The following PHACTR1 variants were observed in gnomAD, a reference collection of about 807,000 sequenced individuals.
PHACTR1 encodes the protein phosphatase and actin regulator 1.
Under a neutral mutation model 69.2 loss-of-function variants are expected in PHACTR1, and 16 were observed. That is an observed-to-expected ratio of 0.23 (90% CI 0.16 to 0.35). PHACTR1 has a LOEUF of 0.35. Ranked by LOEUF, PHACTR1 falls within the 10% of genes least tolerant of loss-of-function variation. PHACTR1 has a pLI of 1.00. For synonymous variants in PHACTR1, 312 were observed against 284.5 expected (o/e 1.10, Z -0.97); for missense variants, 510 against 734.7 (o/e 0.69, Z 3.54).
At chr6:12,902,783 G>T (rs1195366873) in intron 4 of PHACTR1, among the ~76,000 whole-genome samples, 3 of 152,148 alleles carry the variant, frequency 2.0e-5, no homozygotes, top group African/African-American at 7.2e-5. Context: ...AGAATGTGCA[G>T]ATTCGCTCAC....
intron 5 of PHACTR1, among the ~76,000 whole-genome samples, chr6:13,108,884 C>T (rs986764506): frequency 6.6e-6 from 1 of 151,936 alleles, no homozygotes; most frequent in South Asian, 2.1e-4. Context: ...TGTTCCTTTT[C>T]ACCCCTTTTG....
intron 10 of PHACTR1, among the ~76,000 whole-genome samples, chr6:13,231,117 GAGAGAA>G (rs1396910234): frequency 4.8e-4 from 15 of 31,374 alleles, no homozygotes; most frequent in Non-Finnish European, 9.1e-4. Flanking sequence ...AAGAAGGAAA[GAGAGAA>G]AGAAAGAAGG....
intron 4 of PHACTR1, among the ~76,000 whole-genome samples, chr6:12,989,746 A>G (rs1021521970): frequency 6.6e-6 from 1 of 152,210 alleles, no homozygotes; most frequent in Non-Finnish European, 1.5e-5. Context: ...TATTGAGTAC[A>G]GTCACTTAGA....
intron 4 of PHACTR1, among the ~76,000 whole-genome samples, chr6:12,769,820 CAGAT>C (rs1401320580): frequency 6.6e-6 from 1 of 152,222 alleles, no homozygotes; most frequent in Non-Finnish European, 1.5e-5. Flanking sequence ...TCCTTCTGTA[CAGAT>C]AGATCTGTGT....
intron 4 of PHACTR1, among the ~76,000 whole-genome samples, chr6:12,839,275 G>T (rs1561932968): frequency 6.6e-6 from 1 of 152,174 alleles, no homozygotes; most frequent in Non-Finnish European, 1.5e-5. Context: ...TGTTGAAGAT[G>T]CATACATTGT....
chr6:13,170,465 C>T (rs1253115010), intron 6 of PHACTR1, among the ~76,000 whole-genome samples: 1 of 152,176 alleles, frequency 6.6e-6, no homozygotes, highest in African/African-American at 2.4e-5. Context: ...TGTCCCCGGC[C>T]TTCCAATGCT....
intron 3 of PHACTR1, among the ~76,000 whole-genome samples, chr6:12,732,352 ATTTT>A (rs1026285897): frequency 4.7e-5 from 7 of 150,110 alleles, no homozygotes; most frequent in Admixed American, 2.7e-4. Context: ...TTATTTATTT[ATTTT>A]TCTTTAGTTC....
chr6:13,022,028 C>T (rs952175324), intron 4 of PHACTR1, among the ~76,000 whole-genome samples: 39 of 152,324 alleles, frequency 2.6e-4, no homozygotes, highest in African/African-American at 8.9e-4. Context: ...CTGGCTCCCA[C>T]CTTCGGGCAA....
intron 13 of PHACTR1, among the ~76,000 whole-genome samples, chr6:13,285,437 C>A (rs1781471312): frequency 1.3e-5 from 2 of 152,186 alleles, no homozygotes; most frequent in African/African-American, 4.8e-5. Flanking sequence ...GCAATTTCCA[C>A]CCTTGAGGAA....
intron 5 of PHACTR1, among the ~76,000 whole-genome samples, chr6:13,087,659 T>G (rs1812528097): frequency 6.6e-6 from 1 of 151,892 alleles, no homozygotes; most frequent in Non-Finnish European, 1.5e-5. Context: ...TTTCTTTTTT[T>G]TTTTTGAAAC....
intron 4 of PHACTR1, among the ~76,000 whole-genome samples, chr6:12,786,661 T>C (rs1007196106): frequency 1.3e-5 from 2 of 152,194 alleles, no homozygotes; most frequent in Non-Finnish European, 2.9e-5. Flanking sequence ...AAAGTTGAGT[T>C]CAAAATGACA....
At chr6:13,003,525 C>T (rs1018529508) in intron 4 of PHACTR1, among the ~76,000 whole-genome samples, 1 of 151,890 alleles carries the variant, frequency 6.6e-6, no homozygotes, top group African/African-American at 2.4e-5. Context: ...GGAAGTCTTC[C>T]AGGAATTTTT....
intron 4 of PHACTR1, among the ~76,000 whole-genome samples, chr6:12,834,702 G>C (rs1255092086): frequency 6.6e-6 from 1 of 152,160 alleles, no homozygotes; most frequent in Non-Finnish European, 1.5e-5. Context: ...GTAGTAGTCA[G>C]AGTCATAAGG....
chr6:13,154,817 T>G (rs888609875), intron 5 of PHACTR1, among the ~76,000 whole-genome samples: 7 of 152,132 alleles, frequency 4.6e-5, no homozygotes, highest in African/African-American at 1.7e-4. Context: ...CTAAATTCTT[T>G]AACTTTTCAT....
At chr6:12,902,806 G>T (rs567033335) in intron 4 of PHACTR1, among the ~76,000 whole-genome samples, 6 of 152,238 alleles carry the variant, frequency 3.9e-5, no homozygotes, top group African/African-American at 1.4e-4. Context: ...CTCTCTCAAA[G>T]CAGGATGAAC....
In PHACTR1 at chr6:12,895,006, CTGTT is replaced by C. The variant is rs1784514592; in HGVS notation, c.250+145219_250+145222del. ...TACTATATCCCTAGAGCCTAGAACA[CTGTT>C]TGGCACACCAGGGTTTCTCTGTAAA... On this transcript the variant is annotated intron_variant, in intron 4 of 14. Transcript: ENST00000332995. Among the ~76,000 whole-genome samples, 5 of 152,100 alleles carry C rather than the reference CTGTT, an allele frequency of 3.3e-5. No homozygotes were observed. The South Asian group carries it at 1.0e-3, about 32-fold the overall frequency.
intron 4 of PHACTR1, among the ~76,000 whole-genome samples, chr6:12,824,584 T>C (rs1776580632): frequency 6.6e-6 from 1 of 152,176 alleles, no homozygotes. Context: ...AGAAGATGAC[T>C]TAAGAATGGA....
intron 5 of PHACTR1, among the ~76,000 whole-genome samples, chr6:13,113,752 C>T (rs1817397325): frequency 6.6e-6 from 1 of 152,172 alleles, no homozygotes; most frequent in African/African-American, 2.4e-5. Context: ...ACCCATGGCC[C>T]TGTCCGGTGT....
intron 4 of PHACTR1, among the ~76,000 whole-genome samples, chr6:12,984,199 C>G (rs567072902): frequency 2.2e-4 from 34 of 152,322 alleles, no homozygotes; most frequent in Admixed American, 1.8e-3. Flanking sequence ...CACATCCTCT[C>G]CAGCACCTGT....
Sources: gnomAD v4.1 joint callset for allele counts (sites outside exome capture counted in the v4.1 genomes callset) on GRCh38, gnomAD v4.1.1 for gene constraint, MANE v1.5 for transcripts, NCBI Gene and HGNC (gene_info 2026-07-23, HGNC 2026-07-21) for gene names.